The following CFAP20DC variants were observed in gnomAD, a reference collection of about 807,000 sequenced individuals.
CFAP20DC encodes protein CFAP20DC.
CFAP20DC carries 84 observed loss-of-function variants against 101.7 expected under a neutral mutation model. The ratio of observed to expected loss-of-function variants is 0.83; its 90% CI spans 0.69 to 0.99. The LOEUF is 0.99. CFAP20DC is among the 50% of genes least tolerant of loss of function. CFAP20DC has a pLI of 0.00. For synonymous variants in CFAP20DC, 359 were observed against 351.2 expected, an observed-to-expected ratio of 1.02 and a Z score of -0.25; for missense variants, 1,007 against 970.3, an observed-to-expected ratio of 1.04 and a Z score of -0.50.
chr3:58,984,773 T>G (rs191376807), intron 4 of CFAP20DC, among the ~76,000 whole-genome samples: 1 of 152,302 alleles, frequency 6.6e-6, no homozygotes, highest in Non-Finnish European at 1.5e-5. Context: ...ACAGGTGTGA[T>G]GTTGGGTGGG....
At chr3:59,017,653 T>C (rs543621826) in intron 4 of CFAP20DC, 3 of 152,290 alleles carry the variant, frequency 2.0e-5, no homozygotes, top group Non-Finnish European at 4.4e-5. Context: ...CCTTACAATT[T>C]TTTAAATTCC....
At chr3:58,853,385 A>T (rs1005035001) in intron 12 of CFAP20DC, among the ~76,000 whole-genome samples, 7 of 152,244 alleles carry the variant, frequency 4.6e-5, no homozygotes, top group African/African-American at 1.7e-4. Flanking sequence ...ATGGACTCAC[A>T]GCCGAATTCT....
At chr3:58,755,092 G>T (rs1206628787) in intron 15 of CFAP20DC, among the ~76,000 whole-genome samples, 2 of 152,142 alleles carry the variant, frequency 1.3e-5, no homozygotes, top group African/African-American at 4.8e-5. Context: ...CTATACAACA[G>T]AGATTTTCCT....
intron 4 of CFAP20DC, among the ~76,000 whole-genome samples, chr3:58,993,333 A>G (rs2093002711): frequency 1.3e-5 from 2 of 152,200 alleles, no homozygotes; most frequent in Non-Finnish European, 2.9e-5. Context: ...TGAAGCAGGA[A>G]ACCAGTACCG....
At chr3:58,737,237 AAAAAC>A (rs2067777229), downstream of CFAP20DC, 1 of 456,372 alleles carries the variant, frequency 2.2e-6, no homozygotes. This position sits in a 1 kb window ranked among gnomAD's most constrained non-coding sequence, Gnocchi z 4.1. Context: ...GGGCAAAGCA[AAAAAC>A]AAAAAGCAAA....
chr3:58,943,876 T>C (rs1160224903), intron 4 of CFAP20DC, among the ~76,000 whole-genome samples: 2 of 152,112 alleles, frequency 1.3e-5, no homozygotes, highest in African/African-American at 2.4e-5. Flanking sequence ...GAAAAGAATA[T>C]AAATGACCTG....
At chr3:58,865,795 C>A (rs1157822495) in intron 11 of CFAP20DC, among the ~76,000 whole-genome samples, 1 of 152,122 alleles carries the variant, frequency 6.6e-6, no homozygotes, top group Non-Finnish European at 1.5e-5. Flanking sequence ...GACCTATTGC[C>A]AAACATATTA....
intron 4 of CFAP20DC, among the ~76,000 whole-genome samples, chr3:59,008,326 C>A (rs1576687345): frequency 6.6e-6 from 1 of 152,152 alleles, no homozygotes. Context: ...TACTCTTAAC[C>A]CTGATAAAAC....
At chr3:59,032,904 G>C (rs554661077) in intron 4 of CFAP20DC, among the ~76,000 whole-genome samples, 1 of 152,102 alleles carries the variant, frequency 6.6e-6, no homozygotes, top group African/African-American at 2.4e-5. Context: ...TCCTGACTAG[G>C]AGACACCTCC....
intron 14 of CFAP20DC, among the ~76,000 whole-genome samples, chr3:58,818,290 A>C (rs530046525): frequency 6.6e-6 from 1 of 151,306 alleles, no homozygotes; most frequent in South Asian, 2.1e-4. Flanking sequence ...ACACATAACA[A>C]TATTAACTTT....
At chr3:58,782,932 G>T (rs375752128) in intron 15 of CFAP20DC, among the ~76,000 whole-genome samples, 1 of 151,730 alleles carries the variant, frequency 6.6e-6, no homozygotes, top group African/African-American at 2.4e-5. Context: ...ATTCAGCCAC[G>T]TAAGAACCTG....
intron 4 of CFAP20DC, among the ~76,000 whole-genome samples, chr3:59,031,124 C>T (rs1024309739): frequency 2.0e-5 from 3 of 152,084 alleles, no homozygotes; most frequent in Non-Finnish European, 4.4e-5. Context: ...GCCTGGCCAG[C>T]TTTAAGTTTT....
At chr3:58,916,075 T>C (rs1006734849) in intron 5 of CFAP20DC, among the ~76,000 whole-genome samples, 1 of 152,180 alleles carries the variant, frequency 6.6e-6, no homozygotes, top group African/African-American at 2.4e-5. Context: ...AGTGGCTCTC[T>C]ATGATTACCT....
At chr3:58,947,157 T>C (rs1289609541) in intron 4 of CFAP20DC, among the ~76,000 whole-genome samples, 1 of 152,204 alleles carries the variant, frequency 6.6e-6, no homozygotes, top group Non-Finnish European at 1.5e-5. Flanking sequence ...AAAGGTTGCA[T>C]GCTTCCTCTG....
At chr3:58,989,365 A>C (rs898073189) in intron 4 of CFAP20DC, among the ~76,000 whole-genome samples, 2 of 152,120 alleles carry the variant, frequency 1.3e-5, no homozygotes, top group Admixed American at 1.3e-4. Context: ...CTGTTTTTAG[A>C]ATTTTTGCTA....
intron 3 of CFAP20DC, among the ~76,000 whole-genome samples, chr3:59,041,544 G>T (rs1280121999): frequency 6.6e-6 from 1 of 151,972 alleles, no homozygotes; most frequent in Admixed American, 6.6e-5. Context: ...GACTATTCAT[G>T]TCTACATTAT....
intron 14 of CFAP20DC, among the ~76,000 whole-genome samples, chr3:58,809,629 C>T (rs1379283967): frequency 6.6e-6 from 1 of 152,036 alleles, no homozygotes; most frequent in Non-Finnish European, 1.5e-5. Context: ...ACCCTAACAT[C>T]ACAATTAAAA....
intron 5 of CFAP20DC, among the ~76,000 whole-genome samples, chr3:58,931,166 A>C (rs568061228): frequency 6.6e-6 from 1 of 152,102 alleles, no homozygotes; most frequent in Admixed American, 6.5e-5. Context: ...GTCTCACTGA[A>C]TGCTAGCACA....
intron 4 of CFAP20DC, among the ~76,000 whole-genome samples, chr3:59,009,815 G>C (rs918200388): frequency 2.0e-5 from 3 of 152,118 alleles, no homozygotes; most frequent in African/African-American, 7.2e-5. Context: ...CTTAAGAGCT[G>C]TGAAACAAAA....
Sources: gnomAD v4.1 joint callset for allele counts (sites outside exome capture counted in the v4.1 genomes callset) on GRCh38, gnomAD v4.1.1 for gene constraint, Gnocchi (gnomAD v3.1) non-coding constraint, MANE v1.5 for transcripts, NCBI Gene and HGNC (gene_info 2026-07-23, HGNC 2026-07-21) for gene names.